The following LRRC4C variants were observed in gnomAD, a reference collection of about 807,000 sequenced individuals.
LRRC4C encodes leucine-rich repeat-containing protein 4C.
In LRRC4C, 5 loss-of-function variants were observed where a neutral mutation model predicts 33.6. The ratio of observed to expected loss-of-function variants is 0.15; its 90% CI spans 0.08 to 0.31. The LOEUF is 0.31. Ranked by LOEUF, LRRC4C falls within the 10% of genes least tolerant of loss-of-function variation. LRRC4C has a pLI of 1.00. For missense variants in LRRC4C, 560 were observed against 796.7 expected (o/e 0.70, Z 3.58); for synonymous variants, 329 against 302.0 (o/e 1.09, Z -0.93).
At chr11:40,240,156 T>C (rs543894104) in intron 5 of LRRC4C, among the ~76,000 whole-genome samples, 1 of 152,178 alleles carries the variant, frequency 6.6e-6, no homozygotes, top group Non-Finnish European at 1.5e-5. Context: ...TATTTGCTTT[T>C]CGCACCCTGT....
At chr11:41,196,577 A>G (rs1168464030) in intron 1 of LRRC4C, among the ~76,000 whole-genome samples, 3 of 152,112 alleles carry the variant, frequency 2.0e-5, no homozygotes, top group Non-Finnish European at 2.9e-5. Flanking sequence ...CTTATGAAAG[A>G]TATTAATTTG....
At chr11:40,626,181 G>A (rs546651807) in intron 3 of LRRC4C, among the ~76,000 whole-genome samples, 13 of 151,726 alleles carry the variant, frequency 8.6e-5, no homozygotes, top group Admixed American at 2.6e-4. Flanking sequence ...TCTGTCCCTC[G>A]AAATTGTTCT....
At chr11:41,021,203 GAGAGAGAGA>G (rs1855951423) in intron 1 of LRRC4C, among the ~76,000 whole-genome samples, 2 of 145,392 alleles carry the variant, frequency 1.4e-5, no homozygotes, top group African/African-American at 5.2e-5. Flanking sequence ...GAGAGAGAGA[GAGAGAGAGA>G]GAGTGTGTGT....
At chr11:40,469,858 C>T (rs1952841343) in intron 3 of LRRC4C, among the ~76,000 whole-genome samples, 2 of 152,174 alleles carry the variant, frequency 1.3e-5, no homozygotes, top group African/African-American at 4.8e-5. Flanking sequence ...AAGGGCATCC[C>T]TGAAAGAAAG....
At chr11:41,202,040 G>T (rs948914925) in intron 1 of LRRC4C, among the ~76,000 whole-genome samples, 1 of 152,066 alleles carries the variant, frequency 6.6e-6, no homozygotes, top group Non-Finnish European at 1.5e-5. Context: ...TGCCTCACTC[G>T]TAATGCCTCA....
chr11:41,443,054 T>TTATCTATC (rs1262416417), intron 1 of LRRC4C, among the ~76,000 whole-genome samples: 1 of 150,624 alleles, frequency 6.6e-6, no homozygotes, highest in African/African-American at 2.4e-5. Context: ...TTCTAGTTAT[T>TTATCTATC]TATTTATTTA....
At chr11:40,739,040 TGTGTG>T in intron 2 of LRRC4C, among the ~76,000 whole-genome samples, 2 of 151,594 alleles carry the variant, frequency 1.3e-5, no homozygotes, top group Admixed American at 1.3e-4. Flanking sequence ...TGTGTGTGTG[TGTGTG>T]TGTGTGTGGT....
chr11:40,277,743 G>T (rs1382679936), intron 4 of LRRC4C, among the ~76,000 whole-genome samples: 5 of 152,022 alleles, frequency 3.3e-5, no homozygotes, highest in African/African-American at 1.2e-4. Flanking sequence ...TAAAAAGGGT[G>T]CTTACTGCTT....
At chr11:41,419,712 C>T (rs1954809943) in intron 1 of LRRC4C, among the ~76,000 whole-genome samples, 1 of 151,954 alleles carries the variant, frequency 6.6e-6, no homozygotes, top group African/African-American at 2.4e-5. Flanking sequence ...CATCACAAAA[C>T]TCTCCATAAA....
chr11:40,792,907 T>C (rs912433210), intron 2 of LRRC4C, among the ~76,000 whole-genome samples: 16 of 151,990 alleles, frequency 1.1e-4, no homozygotes, highest in Non-Finnish European at 1.8e-4. Flanking sequence ...AAACACCGCA[T>C]GTTCTCACTC....
At chr11:41,325,264 C>T (rs937445730) in intron 1 of LRRC4C, among the ~76,000 whole-genome samples, 2 of 151,978 alleles carry the variant, frequency 1.3e-5, no homozygotes, top group African/African-American at 4.8e-5. Context: ...TGATTCTTGA[C>T]AAAATAAATA....
chr11:41,075,380 T>C (rs1265717152), intron 1 of LRRC4C, among the ~76,000 whole-genome samples: 1 of 152,206 alleles, frequency 6.6e-6, no homozygotes, highest in African/African-American at 2.4e-5. Flanking sequence ...TGCAAGTTGC[T>C]AGACAATAAT....
intron 2 of LRRC4C, among the ~76,000 whole-genome samples, chr11:40,820,196 T>C (rs1951873173): frequency 6.6e-6 from 1 of 152,088 alleles, no homozygotes; most frequent in Non-Finnish European, 1.5e-5. Flanking sequence ...AATGTACTCA[T>C]GTTTGATTTA....
At chr11:41,153,750 A>G (rs1470949992) in intron 1 of LRRC4C, among the ~76,000 whole-genome samples, 1 of 152,200 alleles carries the variant, frequency 6.6e-6, no homozygotes, top group Non-Finnish European at 1.5e-5. Flanking sequence ...AGATTAAATT[A>G]TGGCTACTAG....
intron 2 of LRRC4C, among the ~76,000 whole-genome samples, chr11:40,684,303 C>T (rs1457022979): frequency 6.6e-6 from 1 of 151,550 alleles, no homozygotes; most frequent in Non-Finnish European, 1.5e-5. Flanking sequence ...AATAAAACTA[C>T]TAGAAGTTTG....
In LRRC4C at chr11:40,352,106, TCTTTCTTCCTTC is replaced by T. The variant is rs1339012393; in HGVS notation, c.-269-32397_-269-32386del. The stretch of plus-strand genomic sequence containing the variant: ...TAGTTCCTTCCTTCCTTTTTTCCTT[TCTTTCTTCCTTC>T]CTTCCTTCCTTCCTTCCTTCCTTCC... On this transcript the variant is annotated intron_variant, in intron 3 of 6. Transcript: ENST00000528697. Among the ~76,000 whole-genome samples the T allele has an allele frequency of 3.0e-4, 30 of 101,574 alleles. 1 individual carries two copies. The highest frequency in any genetic ancestry group is 1.5e-3 in the South Asian group (4 of 2,742). 66.6% of individuals were successfully genotyped at this position (101,574 alleles called of 152,430 possible). A position where few individuals can be genotyped will look rare whatever the true frequency, so the allele number is the denominator to read the frequency against.
chr11:40,199,292 A>C (rs1467843745), intron 5 of LRRC4C, among the ~76,000 whole-genome samples: 1 of 152,120 alleles, frequency 6.6e-6, no homozygotes, highest in Non-Finnish European at 1.5e-5. Context: ...GCTGGCCTCG[A>C]ACTCCTGACC....
intron 4 of LRRC4C, among the ~76,000 whole-genome samples, chr11:40,286,432 T>C (rs1396578682): frequency 6.6e-6 from 1 of 152,170 alleles, no homozygotes; most frequent in East Asian, 1.9e-4. Context: ...GAAAGAAAAG[T>C]ACATTAACTT....
chr11:40,285,264 T>A (rs990362667), intron 4 of LRRC4C, among the ~76,000 whole-genome samples: 8 of 152,246 alleles, frequency 5.3e-5, no homozygotes, highest in African/African-American at 1.9e-4. Flanking sequence ...GCCCTCATTA[T>A]TTAAGGAGAA....
Sources: gnomAD v4.1 joint callset for allele counts (sites outside exome capture counted in the v4.1 genomes callset) on GRCh38, gnomAD v4.1.1 for gene constraint, MANE v1.5 for transcripts, NCBI Gene and HGNC (gene_info 2026-07-23, HGNC 2026-07-21) for gene names.